Variants in VSTM5 observed in about 807,000 individuals in gnomAD.
VSTM5 encodes V-set and transmembrane domain-containing protein 5.
Under a neutral mutation model 20.3 loss-of-function variants are expected in VSTM5, and 21 were observed. That is an observed-to-expected ratio of 1.03 (90% CI 0.73 to 1.49). The LOEUF is 1.49. Among genes scored for constraint, VSTM5 ranks in the 40% most tolerant of loss-of-function variants. The pLI is 0.00. For synonymous variants in VSTM5, 100 were observed against 102.5 expected (o/e 0.98, Z 0.14); for missense variants, 219 against 250.0 (o/e 0.88, Z 0.84).
chr11:93,844,692 A>G (rs1349378358), intron 1 of VSTM5, among the ~76,000 whole-genome samples: 2 of 151,902 alleles, frequency 1.3e-5, no homozygotes, highest in Admixed American at 6.6e-5. Flanking sequence ...TTACCTGACT[A>G]CCTCCTACGT....
intron 1 of VSTM5, among the ~76,000 whole-genome samples, chr11:93,831,408 T>G (rs918621463): frequency 5.3e-5 from 8 of 152,204 alleles, no homozygotes; most frequent in African/African-American, 1.9e-4. Flanking sequence ...CACAGCTTTG[T>G]GTATGAGGTC....
At chr11:93,847,747 T>C (rs1042806190) in intron 1 of VSTM5, among the ~76,000 whole-genome samples, 1 of 152,218 alleles carries the variant, frequency 6.6e-6, no homozygotes. Flanking sequence ...CTGCCAGCTT[T>C]CCGAGCCCAT....
intron 1 of VSTM5, among the ~76,000 whole-genome samples, chr11:93,846,335 G>A (rs902475880): frequency 6.6e-6 from 1 of 152,214 alleles, no homozygotes; most frequent in Non-Finnish European, 1.5e-5. Flanking sequence ...GCATACTCAG[G>A]AAGGCTCTTG....
chr11:93,837,042 T>C lies in VSTM5; in HGVS notation c.91+13370A>G, dbSNP rs544012270. Among the ~76,000 whole-genome samples, 58 of 62,972 alleles carry C rather than the reference T, an allele frequency of 9.2e-4. No individual in the cohort carries two copies. In the East Asian group the frequency reaches 1.0e-2, roughly 11 times the overall value. The allele number at this position is 62,972 out of a possible 152,430, so 41.3% of individuals were successfully genotyped here. A position where few individuals can be genotyped will look rare whatever the true frequency, so the allele number is the denominator to read the frequency against. ...ACACACACACACACACACACACACA[T>C]ATATTTTGAGATGGAGTCTTGCTCT... On this transcript the variant is annotated intron_variant, in intron 1 of 3. Transcript: ENST00000409977.
intron 1 of VSTM5, among the ~76,000 whole-genome samples, chr11:93,836,035 A>G (rs554498592): frequency 6.6e-6 from 1 of 152,292 alleles, no homozygotes; most frequent in Admixed American, 6.5e-5. Flanking sequence ...ACCTCAGTGA[A>G]AGGCTCTCCC....
Position 93,818,746 on chromosome 11 carries a change from A to G in VSTM5, c.*1823T>C, listed in dbSNP as rs888966836. 1.3e-5 allele frequency: 2 copies of G among 152,218 alleles called. No individual in the cohort carries two copies. Among genetic ancestry groups the G allele is most frequent in the African/African-American group, 4.8e-5 (2 of 41,426 alleles). 9.4% of individuals were successfully genotyped at this position (152,218 alleles called of 1,614,324 possible). ...TGCTGGTGGCCTCTCTGTGTGAAAG[A>G]CAAGAAAGAAATCAGCAGATTATCC... is the stretch of plus-strand genomic sequence containing the variant. On this transcript the variant is annotated 3_prime_UTR_variant, in exon 4 of 4. Transcript: ENST00000409977.
intron 1 of VSTM5, among the ~76,000 whole-genome samples, chr11:93,844,543 G>A (rs1395683710): frequency 2.0e-5 from 3 of 152,128 alleles, no homozygotes; most frequent in East Asian, 1.9e-4. Flanking sequence ...CAGACAACTA[G>A]TTAGACTGCA....
rs1944270405 is a variant in VSTM5 at position 93,830,190 on chromosome 11, G to A, written c.92-8867C>T. Among the ~76,000 whole-genome samples, 3 of 152,324 alleles carry A rather than the reference G, an allele frequency of 2.0e-5. No individual in the cohort carries two copies. The South Asian group carries it at 6.2e-4, about 32-fold the overall frequency. On this transcript the variant is annotated intron_variant, in intron 1 of 3. Coordinates refer to ENST00000409977, the MANE Select transcript of VSTM5 (RefSeq NM_001144871.2). ...GAGGCAGAACAGGACCCACGAGGAT[G>A]TTCAAATAGGGCCATGACATGATCT...
chr11:93,828,924 C>T (rs1003222109), intron 1 of VSTM5, among the ~76,000 whole-genome samples: 1 of 152,128 alleles, frequency 6.6e-6, no homozygotes, highest in East Asian at 1.9e-4. Context: ...CTGATGTGGG[C>T]AGGACACACC....
intron 1 of VSTM5, among the ~76,000 whole-genome samples, chr11:93,839,271 T>C (rs1565303284): frequency 6.6e-6 from 1 of 152,192 alleles, no homozygotes; most frequent in Non-Finnish European, 1.5e-5. Flanking sequence ...CAAGAGGCTG[T>C]CGGGCAGCAG....
chr11:93,836,632 T>A lies in VSTM5; in HGVS notation c.91+13780A>T, dbSNP rs193147182. Among the ~76,000 whole-genome samples, 6 of 152,356 alleles carry A rather than the reference T, an allele frequency of 3.9e-5. No homozygotes were observed. The East Asian group carries it at 1.2e-3, about 29-fold the overall frequency. ...CCTCTTCTGGGAAGTCTATCCCAAC[T>A]CCAGGCTAGGTCAGGTCTCTTCTTG... is the stretch of plus-strand genomic sequence containing the variant. On this transcript the variant is annotated intron_variant, in intron 1 of 3. Transcript: ENST00000409977.
Position 93,843,711 on chromosome 11 carries a change from G to T in VSTM5, c.91+6701C>A, listed in dbSNP as rs551855834. 1.4e-4 allele frequency among the ~76,000 whole-genome samples: 21 copies of T among 152,292 alleles called. 1 individual carries two copies. The East Asian group carries it at 4.0e-3, about 29-fold the overall frequency. ...GAGATACTGGCTTTTCATCTCTTCA[G>T]TTGGCTGGAGGCTATTATCAGTGAT... On this transcript the variant is annotated intron_variant, in intron 1 of 3. Transcript: ENST00000409977.
intron 1 of VSTM5, among the ~76,000 whole-genome samples, chr11:93,844,314 T>A (rs1055796490): frequency 1.3e-5 from 2 of 152,144 alleles, no homozygotes; most frequent in Admixed American, 1.3e-4. Flanking sequence ...CCAGAGTGAG[T>A]CTGGGGCAGG....
intron 1 of VSTM5, among the ~76,000 whole-genome samples, chr11:93,822,462 A>G (rs903401555): frequency 2.7e-5 from 4 of 149,138 alleles, no homozygotes; most frequent in African/African-American, 7.4e-5. Flanking sequence ...CTCTGATTCC[A>G]ATCCTGGATC....
At chr11:93,835,766 A>G (rs997640841) in intron 1 of VSTM5, among the ~76,000 whole-genome samples, 8 of 152,224 alleles carry the variant, frequency 5.3e-5, no homozygotes. Context: ...AAATGCACAC[A>G]GAATTGAGTC....
chr11:93,820,453 C>T lies in VSTM5; in HGVS notation c.*116G>A. The T allele has an allele frequency of 9.1e-7, 1 of 1,098,908 alleles. No individual in the cohort carries two copies. Among genetic ancestry groups the T allele is most frequent in the Non-Finnish European group, 1.3e-6 (1 of 751,746 alleles). The allele number at this position is 1,098,908 out of a possible 1,614,324, so 68.1% of individuals were successfully genotyped here. ...TCAATGTTGTTAATCTCCCACTGTC[C>T]TGTTAGGAGCGGGCTGCAACAGGAC... On this transcript the variant is annotated 3_prime_UTR_variant, in exon 4 of 4. Transcript: ENST00000409977.
At position 93,821,148 on chromosome 11, in the gene VSTM5, G is replaced by C; in HGVS notation, c.267C>G (p.Ile89Met). Residue 89 changes from isoleucine (I) to methionine (M), a missense_variant, in exon 2 of 4, where the codon ATC becomes ATG. Coordinates refer to ENST00000409977, the MANE Select transcript of VSTM5 (RefSeq NM_001144871.2). ...AGACTCTGTCCTTGTGGCTTTGAGA[G>C]ATGTTGGCCTGAGTCCCTGGTTTCC... ...VEWKPGTQAN[I>M]SQSHKDRVCT... The C allele has an allele frequency of 6.4e-7, 1 of 1,552,214 alleles. No homozygotes were observed. The highest frequency in any genetic ancestry group is 8.7e-7 in the Non-Finnish European group (1 of 1,147,096).
At chr11:93,836,999 G>GAA (rs572918814) in intron 1 of VSTM5, among the ~76,000 whole-genome samples, 17 of 106,646 alleles carry the variant, frequency 1.6e-4, no homozygotes, top group African/African-American at 5.7e-4. Context: ...CTTTTTGCCT[G>GAA]AAAAAAAAAA....
chr11:93,826,689 G>A (rs926910412), intron 1 of VSTM5, among the ~76,000 whole-genome samples: 7 of 152,044 alleles, frequency 4.6e-5, no homozygotes, highest in East Asian at 1.9e-4. Flanking sequence ...ATGAGCCACC[G>A]TGCCCAGCCC....
Sources: gnomAD v4.1 joint callset for allele counts (sites outside exome capture counted in the v4.1 genomes callset) on GRCh38, gnomAD v4.1.1 for gene constraint, MANE v1.5 for transcripts, NCBI Gene and HGNC (gene_info 2026-07-23, HGNC 2026-07-21) for gene names.